The following RNGTT variants were observed in gnomAD, a reference collection of about 807,000 sequenced individuals.
The protein encoded by RNGTT is RNA guanylyltransferase and 5'-phosphatase.
RNGTT carries 33 observed loss-of-function variants against 79.3 expected under a neutral mutation model. That is an observed-to-expected ratio of 0.42 (90% CI 0.32 to 0.56). The LOEUF is 0.56. Among genes scored for constraint, RNGTT ranks in the 20% least tolerant of loss-of-function variants. The pLI is 0.17. For synonymous variants in RNGTT, 222 were observed against 235.9 expected (o/e 0.94, Z 0.54); for missense variants, 497 against 739.1 (o/e 0.67, Z 3.80).
intron 13 of RNGTT, among the ~76,000 whole-genome samples, chr6:88,744,739 A>C (rs766498703): frequency 6.6e-6 from 1 of 152,208 alleles, no homozygotes; most frequent in Non-Finnish European, 1.5e-5. Flanking sequence ...TTATTATAAC[A>C]TATACTAAAC....
intron 14 of RNGTT, among the ~76,000 whole-genome samples, chr6:88,671,027 C>A (rs531753625): frequency 6.6e-6 from 1 of 152,258 alleles, no homozygotes; most frequent in East Asian, 1.9e-4. Flanking sequence ...GAAAACATTC[C>A]CCCTGAGAAC....
In RNGTT at chr6:88,683,878, G is replaced by C. The variant is rs553841939; in HGVS notation, c.1440-5459C>G. On this transcript the variant is annotated intron_variant, in intron 13 of 15. Transcript: ENST00000369485. ...AAAAGTATAAAAAGTAGCTGGGCAC[G>C]GTGGCATGTGTCTGTAGTCCCAGCT... 1.1e-4 allele frequency among the ~76,000 whole-genome samples: 17 copies of C among 152,082 alleles called. No homozygotes were observed. The East Asian group carries it at 2.9e-3, about 26-fold the overall frequency.
chr6:88,695,187 C>A (rs903905548), intron 13 of RNGTT, among the ~76,000 whole-genome samples: 6 of 152,056 alleles, frequency 3.9e-5, no homozygotes, highest in African/African-American at 1.4e-4. Context: ...AAACTAAAAA[C>A]CTTCTGCACA....
chr6:88,717,531 CAGA>C (rs1776560666), intron 13 of RNGTT, among the ~76,000 whole-genome samples: 1 of 152,154 alleles, frequency 6.6e-6, no homozygotes, highest in Non-Finnish European at 1.5e-5. Flanking sequence ...AAACTGTTTT[CAGA>C]AGAAGGAGAG....
chr6:88,858,478 G>T (rs770650128), intron 8 of RNGTT, among the ~76,000 whole-genome samples: 1 of 152,182 alleles, frequency 6.6e-6, no homozygotes, highest in Non-Finnish European at 1.5e-5. Flanking sequence ...GGAGATCATG[G>T]AAGGCATTCC....
intron 11 of RNGTT, among the ~76,000 whole-genome samples, chr6:88,814,388 T>C (rs1461124802): frequency 1.3e-5 from 2 of 152,202 alleles, no homozygotes; most frequent in Non-Finnish European, 2.9e-5. Context: ...GTCATGGTCA[T>C]ATCTAAAAAT....
At chr6:88,731,184 A>C (rs1397021180) in intron 13 of RNGTT, among the ~76,000 whole-genome samples, 1 of 152,170 alleles carries the variant, frequency 6.6e-6, no homozygotes, top group African/African-American at 2.4e-5. Flanking sequence ...CCCCAAAAAA[A>C]CATAAAAACA....
At chr6:88,929,864 A>G (rs1283183244) in intron 2 of RNGTT, among the ~76,000 whole-genome samples, 1 of 151,478 alleles carries the variant, frequency 6.6e-6, no homozygotes, top group Non-Finnish European at 1.5e-5. Context: ...ATATGTATAC[A>G]TATGCATATA....
chr6:88,923,606 C>T (rs1284692214), intron 4 of RNGTT, among the ~76,000 whole-genome samples: 1 of 152,072 alleles, frequency 6.6e-6, no homozygotes, highest in Admixed American at 6.5e-5. Context: ...GGGTATGCAA[C>T]AAACATTTAC....
chr6:88,924,436 A>G (rs1784256572), intron 4 of RNGTT, among the ~76,000 whole-genome samples: 1 of 152,202 alleles, frequency 6.6e-6, no homozygotes, highest in Non-Finnish European at 1.5e-5. Context: ...AGATATCTTC[A>G]TAAATAAGAT....
intron 8 of RNGTT, among the ~76,000 whole-genome samples, chr6:88,867,703 G>A (rs1182684620): frequency 3.3e-5 from 5 of 152,118 alleles, no homozygotes; most frequent in Non-Finnish European, 7.4e-5. Flanking sequence ...ACTAGAAGAA[G>A]AAGAAAAGAA....
chr6:88,866,090 A>G (rs1318010339), intron 8 of RNGTT, among the ~76,000 whole-genome samples: 2 of 152,212 alleles, frequency 1.3e-5, no homozygotes, highest in Non-Finnish European at 2.9e-5. Context: ...CGAGCAAATT[A>G]TCAAAGCATA....
chr6:88,834,532 T>G (rs1780996384), intron 11 of RNGTT, among the ~76,000 whole-genome samples: 1 of 152,202 alleles, frequency 6.6e-6, no homozygotes, highest in African/African-American at 2.4e-5. Context: ...TATCTGTAAT[T>G]TCATTAAAAA....
At chr6:88,648,606 T>C (rs1342052292) in intron 14 of RNGTT, among the ~76,000 whole-genome samples, 1 of 152,170 alleles carries the variant, frequency 6.6e-6, no homozygotes, top group Non-Finnish European at 1.5e-5. Context: ...CTCCACACTT[T>C]GCTTTCTATT....
At chr6:88,739,774 T>C (rs985860864) in intron 13 of RNGTT, among the ~76,000 whole-genome samples, 19 of 124,894 alleles carry the variant, frequency 1.5e-4, no homozygotes, top group African/African-American at 2.0e-4. Flanking sequence ...TATATATATA[T>C]ATATGTTAAC....
intron 4 of RNGTT, among the ~76,000 whole-genome samples, chr6:88,920,499 C>G (rs1213170235): frequency 6.6e-6 from 1 of 151,970 alleles, no homozygotes; most frequent in African/African-American, 2.4e-5. Flanking sequence ...TATATTCATA[C>G]ATTTATATGA....
At chr6:88,743,206 A>C (rs1285224575) in intron 13 of RNGTT, among the ~76,000 whole-genome samples, 3 of 152,204 alleles carry the variant, frequency 2.0e-5, no homozygotes, top group African/African-American at 7.2e-5. Flanking sequence ...GGAGTATAAC[A>C]AGGATTTGTT....
intron 8 of RNGTT, among the ~76,000 whole-genome samples, chr6:88,858,705 A>T (rs1216321083): frequency 6.6e-6 from 1 of 152,224 alleles, no homozygotes; most frequent in Non-Finnish European, 1.5e-5. Context: ...CAACGCTGAT[A>T]TTAAAATTTA....
rs150025740 is a variant in RNGTT, at chr6:88,666,856, G to C, written c.1506+11497C>G. ...TCATTGCTTTAACTCAGGCCTTAGA[G>C]CTAAGTGAAGGTAAGACTGTAAACA... On this transcript the variant is annotated intron_variant, in intron 14 of 15. Transcript: ENST00000369485. 3.5e-3 allele frequency among the ~76,000 whole-genome samples: 530 copies of C among 152,278 alleles called. 1 individual carries two copies. Among genetic ancestry groups the C allele is most frequent in the African/African-American group, 0.012 (495 of 41,552 alleles).
Sources: gnomAD v4.1 joint callset for allele counts (sites outside exome capture counted in the v4.1 genomes callset) on GRCh38, gnomAD v4.1.1 for gene constraint, MANE v1.5 for transcripts, NCBI Gene and HGNC (gene_info 2026-07-23, HGNC 2026-07-21) for gene names.